JAKMIP1: variants seen among roughly 807,000 people sequenced by gnomAD.
JAKMIP1 encodes the protein janus kinase and microtubule interacting protein 1.
In JAKMIP1, 33 loss-of-function variants were observed where a neutral mutation model predicts 113.0. The ratio of observed to expected loss-of-function variants is 0.29; its 90% CI spans 0.22 to 0.39. JAKMIP1 has a LOEUF of 0.39. Among genes scored for constraint, JAKMIP1 ranks in the 10% least tolerant of loss-of-function variants. The pLI, the probability that JAKMIP1 is intolerant of heterozygous loss-of-function variation, is 1.00. For synonymous variants in JAKMIP1, 480 were observed against 459.9 expected (o/e 1.04, Z -0.56); for missense variants, 813 against 1,080.5 (o/e 0.75, Z 3.47).
chr4:6,161,254 A>C (rs1249626908), intron 1 of JAKMIP1, among the ~76,000 whole-genome samples: 5 of 97,036 alleles, frequency 5.2e-5, no homozygotes, highest in Admixed American at 1.1e-4. Context: ...CCTGACCTCC[A>C]CTCACCTCCA....
chr4:6,142,320 G>A lies in JAKMIP1; in HGVS notation c.-147-29323C>T, dbSNP rs960118845. Among the ~76,000 whole-genome samples, 6 of 152,116 alleles carry A rather than the reference G, an allele frequency of 3.9e-5. No individual in the cohort carries two copies. Among genetic ancestry groups the A allele is most frequent in the African/African-American group, 9.7e-5 (4 of 41,422 alleles). On this transcript the variant is annotated intron_variant, in intron 1 of 20. Transcript: ENST00000409021. This position sits in a 1 kb window ranked among gnomAD's most constrained non-coding sequence, Gnocchi z 5.5. ...AAGAGGCTCGTACCCATGTATGCCC[G>A]CACAGGCAGGGGAAAGGGAGCCCCC... is the stretch of plus-strand genomic sequence containing the variant.
chr4:6,079,874 G>A (rs1720252309), intron 7 of JAKMIP1, among the ~76,000 whole-genome samples: 1 of 152,196 alleles, frequency 6.6e-6, no homozygotes. Flanking sequence ...AAGGCCAAAA[G>A]ACATCCTTAA....
intron 11 of JAKMIP1, among the ~76,000 whole-genome samples, chr4:6,058,314 A>G (rs553432451): frequency 1.3e-5 from 2 of 152,344 alleles, no homozygotes; most frequent in Admixed American, 6.5e-5. Flanking sequence ...ACTTCCTTCA[A>G]GCCTCCTTGC....
At position 6,060,489 on chromosome 4, in the gene JAKMIP1, C is replaced by T; in HGVS notation, c.1579G>A (p.Ala527Thr). ...REARTREQLQ[A>T]DLLRCQAKIE... Reference sequence around the variant, plus strand: ...TTGGCCTGACACCTCAGCAGATCAGCTTGTAGCTGCTCCCGAGTCTGGAAG... The same window carrying T: ...TTGGCCTGACACCTCAGCAGATCAGTTTGTAGCTGCTCCCGAGTCTGGAAG... Residue 527 changes from alanine to threonine, a missense_variant, in exon 11 of 21, where the codon GCT becomes ACT. By Grantham distance (58) the Ala-to-Thr change is moderately conservative. Around this residue, in one of 2 missense-constraint regions of JAKMIP1, gnomAD observed 273 missense variants for 426.6 expected, o/e 0.64. Transcript: ENST00000409021. 1 of 1,613,984 alleles carries T rather than the reference C, an allele frequency of 6.2e-7. No homozygotes were observed.
Position 6,040,720 on chromosome 4 carries a change from A to C in JAKMIP1, c.2098-4T>G. ...CCTTCTGCCTGCTGAACAGGTCCTGAGAAAGAGGGAGGCGCCATCAGGGAC... is the reference window on the plus strand; with the variant it reads ...CCTTCTGCCTGCTGAACAGGTCCTGCGAAAGAGGGAGGCGCCATCAGGGAC... On this transcript the variant is annotated splice_polypyrimidine_tract_variant and splice_region_variant and intron_variant, in intron 17 of 20. Coordinates refer to ENST00000409021, the MANE Select transcript of JAKMIP1 (RefSeq NM_001099433.2). The surrounding 1 kb of genome is among the most constrained non-coding windows in gnomAD (Gnocchi z 5.8). 6.2e-7 allele frequency: 1 copy of C among 1,612,200 alleles called. No individual in the cohort carries two copies. Among genetic ancestry groups the C allele is most frequent in the Non-Finnish European group, 8.5e-7 (1 of 1,178,748 alleles).
In JAKMIP1 at chr4:6,050,535, C is replaced by A. The variant is rs1715529078; in HGVS notation, c.1908+43G>T. The A allele has an allele frequency of 7.1e-7, 1 of 1,416,466 alleles. No homozygotes were observed. The highest frequency in any genetic ancestry group is 9.8e-7 in the Non-Finnish European group (1 of 1,025,464). 87.7% of individuals were successfully genotyped at this position (1,416,466 alleles called of 1,614,324 possible). A position where few individuals can be genotyped will look rare whatever the true frequency, so the allele number is the denominator to read the frequency against. On this transcript the variant is annotated intron_variant, in intron 14 of 20. Coordinates refer to ENST00000409021, the MANE Select transcript of JAKMIP1 (RefSeq NM_001099433.2). This position sits in a 1 kb window ranked among gnomAD's most constrained non-coding sequence, Gnocchi z 7.4. The stretch of plus-strand genomic sequence containing the variant: ...GCAGCTGAGCCGGGCACTGAGCGAG[C>A]CCTTGGCTGGCATTCAGCAGAGGCA...
At chr4:6,027,682 G>A (rs889391580) in intron 20 of JAKMIP1, among the ~76,000 whole-genome samples, 12 of 152,186 alleles carry the variant, frequency 7.9e-5, no homozygotes, top group Non-Finnish European at 1.6e-4. Context: ...GTGGCAAAAG[G>A]AGACAGACCA....
chr4:6,163,084 C>T (rs1400536092), intron 1 of JAKMIP1, among the ~76,000 whole-genome samples: 1 of 152,228 alleles, frequency 6.6e-6, no homozygotes, highest in Non-Finnish European at 1.5e-5. Flanking sequence ...GCCCAGGGTT[C>T]TGCAGAGTTC....
At chr4:6,132,215 G>C (rs941120482) in intron 1 of JAKMIP1, among the ~76,000 whole-genome samples, 1 of 152,186 alleles carries the variant, frequency 6.6e-6, no homozygotes, top group Non-Finnish European at 1.5e-5. Flanking sequence ...AGGAAGCAGT[G>C]TGTTGTTATT....
Position 6,082,828 on chromosome 4 carries a change from C to A in JAKMIP1, c.955-1073G>T, listed in dbSNP as rs188191771. ...CAGAAAGCGGCAACAGCCTAAAGAT[C>A]CACCACTGGGAAGAGAGGTGAACAG... On this transcript the variant is annotated intron_variant, in intron 5 of 20. Transcript: ENST00000409021. Among the ~76,000 whole-genome samples the A allele has an allele frequency of 2.1e-3, 316 of 152,228 alleles. 1 individual carries two copies. The highest frequency in any genetic ancestry group is 4.0e-3 in the Non-Finnish European group (272 of 68,022).
intron 5 of JAKMIP1, among the ~76,000 whole-genome samples, chr4:6,082,872 A>G (rs1314993084): frequency 6.6e-6 from 1 of 152,148 alleles, no homozygotes; most frequent in African/African-American, 2.4e-5. Context: ...ATATCCACAC[A>G]ATGGACTACC....
rs1243463413 is a variant in JAKMIP1 at position 6,139,366 on chromosome 4, G to C, written c.-147-26369C>G. Among the ~76,000 whole-genome samples the C allele has an allele frequency of 6.6e-6, 1 of 152,154 alleles. No individual in the cohort carries two copies. Among genetic ancestry groups the C allele is most frequent in the Non-Finnish European group, 1.5e-5 (1 of 68,034 alleles). On this transcript the variant is annotated intron_variant, in intron 1 of 20. Coordinates refer to ENST00000409021, the MANE Select transcript of JAKMIP1 (RefSeq NM_001099433.2). The surrounding 1 kb of genome is among the most constrained non-coding windows in gnomAD (Gnocchi z 5.2). ...TCATACGCTGAGGTCCTAACCCCCA[G>C]TACCCTCAGAGGTGGTCTTATGGGA... is the stretch of plus-strand genomic sequence containing the variant.
chr4:6,154,279 A>G lies in JAKMIP1; in HGVS notation c.-147-41282T>C, dbSNP rs762111995. 4.6e-5 allele frequency among the ~76,000 whole-genome samples: 7 copies of G among 152,304 alleles called. No individual in the cohort carries two copies. The highest frequency in any genetic ancestry group is 8.8e-5 in the Non-Finnish European group (6 of 68,026). On this transcript the variant is annotated intron_variant, in intron 1 of 20. Coordinates refer to ENST00000409021, the MANE Select transcript of JAKMIP1 (RefSeq NM_001099433.2). This position sits in a 1 kb window ranked among gnomAD's most constrained non-coding sequence, Gnocchi z 4.2. ...GGGAGAGTTGCTCCTATTTTAGGCC[A>G]TTGAACTACTTTAATAATTCGGTCA... is the stretch of plus-strand genomic sequence containing the variant.
intron 3 of JAKMIP1, among the ~76,000 whole-genome samples, chr4:6,104,238 C>A (rs1033275899): frequency 7.2e-5 from 11 of 152,324 alleles, no homozygotes; most frequent in Non-Finnish European, 1.3e-4. Context: ...TTGGTGAAAT[C>A]ATGTCTTTAT....
At chr4:6,032,978 G>A (rs1374704403) in intron 19 of JAKMIP1, among the ~76,000 whole-genome samples, 1 of 152,242 alleles carries the variant, frequency 6.6e-6, no homozygotes, top group Non-Finnish European at 1.5e-5. Flanking sequence ...GCCAACTGTG[G>A]CTAGGAAGCG....
rs1457692494 is a variant in JAKMIP1, at chr4:6,197,362, T to C, written c.-148+2891A>G. ...CAAATGTGGGCGTGGGAGTTTGCTCTGTGACAAGGCTAAATGAATAAATAT... is the reference window on the plus strand; with the variant it reads ...CAAATGTGGGCGTGGGAGTTTGCTCCGTGACAAGGCTAAATGAATAAATAT... On this transcript the variant is annotated intron_variant, in intron 1 of 20. Coordinates refer to ENST00000409021, the MANE Select transcript of JAKMIP1 (RefSeq NM_001099433.2). The surrounding 1 kb of genome is among the most constrained non-coding windows in gnomAD (Gnocchi z 6.5). 6.6e-6 allele frequency among the ~76,000 whole-genome samples: 1 copy of C among 152,188 alleles called. No homozygotes were observed. The highest frequency in any genetic ancestry group is 1.5e-5 in the Non-Finnish European group (1 of 68,034).
chr4:6,126,270 C>A lies in JAKMIP1; in HGVS notation c.-147-13273G>T, dbSNP rs550608847. On this transcript the variant is annotated intron_variant, in intron 1 of 20. Coordinates refer to ENST00000409021, the MANE Select transcript of JAKMIP1 (RefSeq NM_001099433.2). ...GGAGAAACACACACACACACAAACA[C>A]ACACACCATGCAGAAACACACACAC... 6.3e-5 allele frequency among the ~76,000 whole-genome samples: 9 copies of A among 143,966 alleles called. No homozygotes were observed. The South Asian group carries it at 2.1e-3, about 33-fold the overall frequency. The allele number at this position is 143,966 out of a possible 152,430, so 94.4% of individuals were successfully genotyped here.
rs751886039 is a variant in JAKMIP1, at chr4:6,064,986, A to G, written c.1325T>C (p.Phe442Ser). The change falls in exon 9 of 21, where the codon TTT becomes TCT. Residue 442 changes from phenylalanine to serine, a missense_variant. Physicochemically the swap from Phe to Ser is radical, Grantham distance 155 (BLOSUM62 -2). Around this residue, in one of 2 missense-constraint regions of JAKMIP1, gnomAD observed 540 missense variants for 653.9 expected, o/e 0.83. Transcript: ENST00000409021. The surrounding 1 kb of genome is among the most constrained non-coding windows in gnomAD (Gnocchi z 4.3). ...GTCCACAGACTCCTCATCAAATCCA[A>G]AAAATGTCTCCACAACATGCTTCTG... Reference protein sequence around the residue: ...PPKKHVVETFFGFDEESVDSE... With the variant: ...PPKKHVVETFSGFDEESVDSE... The G allele has an allele frequency of 4.3e-6, 7 of 1,614,002 alleles. No individual in the cohort carries two copies. The highest frequency in any genetic ancestry group is 5.9e-6 in the Non-Finnish European group (7 of 1,180,042).
At chr4:6,068,108 T>C (rs143684876) in intron 8 of JAKMIP1, among the ~76,000 whole-genome samples, 136 of 152,320 alleles carry the variant, frequency 8.9e-4, no homozygotes, top group Non-Finnish European at 1.3e-3. Flanking sequence ...CTGTGAAGGC[T>C]CTGCAGGACT....
Sources: gnomAD v4.1 joint callset for allele counts (sites outside exome capture counted in the v4.1 genomes callset) on GRCh38, gnomAD v4.1.1 for gene constraint, gnomAD v4.1.1 regional missense constraint, Gnocchi (gnomAD v3.1) non-coding constraint, MANE v1.5 for transcripts, NCBI Gene and HGNC (gene_info 2026-07-23, HGNC 2026-07-21) for gene names.